CNDP1: variants seen among roughly 807,000 people sequenced by gnomAD.
The protein encoded by CNDP1 is beta-Ala-His dipeptidase.
In CNDP1, 44 loss-of-function variants were observed where a neutral mutation model predicts 58.1. That is an observed-to-expected ratio of 0.76 (90% CI 0.60 to 0.97). The LOEUF (loss-of-function observed/expected upper bound fraction) is 0.97. Among genes scored for constraint, CNDP1 ranks in the 50% least tolerant of loss-of-function variants. The pLI, the probability that CNDP1 is intolerant of heterozygous loss-of-function variation, is 0.00. For synonymous variants in CNDP1, 254 were observed against 252.6 expected, an observed-to-expected ratio of 1.01 and a Z score of -0.05; for missense variants, 616 against 655.1, an observed-to-expected ratio of 0.94 and a Z score of 0.65.
chr18:74,579,486 A>G (rs1981733426), intron 9 of CNDP1, among the ~76,000 whole-genome samples: 1 of 151,772 alleles, frequency 6.6e-6, no homozygotes, highest in Admixed American at 6.6e-5. Flanking sequence ...TCACAGCTGT[A>G]TCCGCAGCAC....
chr18:74,580,389 C>A, intron 10 of CNDP1, 118 bp downstream of exon 10: 3 of 1,027,842 alleles, frequency 2.9e-6, no homozygotes, highest in Non-Finnish European at 4.4e-6. Flanking sequence ...CCTTTTAATA[C>A]AGAGCACATT....
At chr18:74,567,584 G>A (rs1267273222) in intron 6 of CNDP1, 151 bp downstream of exon 6, 2 of 687,440 alleles carry the variant, frequency 2.9e-6, no homozygotes, top group Non-Finnish European at 5.0e-6. Context: ...AGGTGGGGTG[G>A]GTGCAGAGGT....
intron 6 of CNDP1, 123 bp from the exon 7 acceptor site, chr18:74,571,063 G>T: frequency 1.5e-6 from 1 of 657,462 alleles, no homozygotes; most frequent in South Asian, 1.9e-5. Flanking sequence ...GTGAAGTCAG[G>T]TCTGGATGTT....
At chr18:74,582,403 G>A (rs1214747598) in intron 10 of CNDP1, among the ~76,000 whole-genome samples, 1 of 152,160 alleles carries the variant, frequency 6.6e-6, no homozygotes, top group African/African-American at 2.4e-5. Context: ...TAAAACCTAC[G>A]ATAGCAGTTA....
At chr18:74,561,077 G>A in intron 4 of CNDP1, 59 bp downstream of exon 4, 1 of 1,577,110 alleles carries the variant, frequency 6.3e-7, no homozygotes, top group Non-Finnish European at 8.7e-7. Context: ...TTGAAGGGGT[G>A]AAGATGAGGC....
At chr18:74,536,465 T>C (rs891233056) in intron 1 of CNDP1, among the ~76,000 whole-genome samples, 4 of 152,246 alleles carry the variant, frequency 2.6e-5, no homozygotes, top group African/African-American at 9.6e-5. Context: ...GCAAAGGACA[T>C]GATCTCATTC....
chr18:74,573,831 G>A (rs7506171), intron 7 of CNDP1, among the ~76,000 whole-genome samples: 91,193 of 152,118 alleles, frequency 0.6, 27,623 homozygotes, highest in Admixed American at 0.69. Flanking sequence ...CTAAGGAAGA[G>A]TCGGCTCGGG....
rs1214565671 is a variant in CNDP1, at chr18:74,584,195, T to A, written c.1458-301T>A. On this transcript the variant is annotated intron_variant, in intron 11 of 11. Transcript: ENST00000358821. ...CAGATACTACAAGATCTCCTAAGCA[T>A]CCCAGACTACTGAGAAACAAGAAAT... The A allele has an allele frequency of 2.7e-5, 11 of 409,444 alleles. No homozygotes were observed. The East Asian group carries it at 5.3e-4, about 20-fold the overall frequency. The allele number at this position is 409,444 out of a possible 1,614,324, so 25.4% of individuals were successfully genotyped here.
chr18:74,539,497 G>C (rs138733929), intron 1 of CNDP1, among the ~76,000 whole-genome samples: 1 of 152,150 alleles, frequency 6.6e-6, no homozygotes, highest in Non-Finnish European at 1.5e-5. Flanking sequence ...TGAGGCATTC[G>C]GATCCTTCCT....
chr18:74,567,085 C>A (rs1981346927), intron 5 of CNDP1, 148 bp from the exon 6 acceptor site: 3 of 649,740 alleles, frequency 4.6e-6, no homozygotes, highest in Non-Finnish European at 8.3e-6. Context: ...ACAGGAAAGA[C>A]TGGCCCCCAT....
chr18:74,569,168 G>A lies in CNDP1; in HGVS notation c.756+1735G>A, dbSNP rs1255416938. On this transcript the variant is annotated intron_variant, in intron 6 of 11. Coordinates refer to ENST00000358821, the MANE Select transcript of CNDP1 (RefSeq NM_032649.6). Reference sequence around the variant, plus strand: ...CAGCTCAAGCTTTCGAAGTGAGACCGTCCACACTCCAGAGTAATTTAGCTA... The same window carrying A: ...CAGCTCAAGCTTTCGAAGTGAGACCATCCACACTCCAGAGTAATTTAGCTA... Among the ~76,000 whole-genome samples, 6 of 152,154 alleles carry A rather than the reference G, an allele frequency of 3.9e-5. No individual in the cohort carries two copies. In the East Asian group the frequency reaches 5.8e-4, roughly 15 times the overall value.
At chr18:74,561,307 T>C (rs541480034) in intron 4 of CNDP1, 2 of 258,408 alleles carry the variant, frequency 7.7e-6, no homozygotes, top group East Asian at 1.5e-4. Flanking sequence ...TCCCAGCTAC[T>C]TGGGAGACCA....
At chr18:74,580,672 CA>C (rs1239435809) in intron 10 of CNDP1, among the ~76,000 whole-genome samples, 7 of 152,154 alleles carry the variant, frequency 4.6e-5, no homozygotes, top group Non-Finnish European at 1.0e-4. Flanking sequence ...AACATCCTTT[CA>C]AAACACAGAT....
intron 3 of CNDP1, among the ~76,000 whole-genome samples, chr18:74,559,775 T>G (rs1981139733): frequency 6.6e-6 from 1 of 152,148 alleles, no homozygotes; most frequent in South Asian, 2.1e-4. Context: ...AGTTCAAATT[T>G]CTCCTTTAAG....
intron 7 of CNDP1, chr18:74,574,867 T>C (rs1019612543): frequency 1.3e-5 from 2 of 152,078 alleles, no homozygotes; most frequent in Admixed American, 6.6e-5. Context: ...ATCAGATTTT[T>C]CTGCAAGCAT....
intron 2 of CNDP1, among the ~76,000 whole-genome samples, chr18:74,557,107 G>A (rs1363777186): frequency 6.6e-6 from 1 of 151,964 alleles, no homozygotes; most frequent in East Asian, 1.9e-4. Flanking sequence ...CAGTAGAGAC[G>A]GGATTTCCCC....
At chr18:74,563,840 C>T (rs751210161) in intron 5 of CNDP1, among the ~76,000 whole-genome samples, 16 of 152,146 alleles carry the variant, frequency 1.1e-4, no homozygotes, top group Non-Finnish European at 1.8e-4. Context: ...CTAATGCATG[C>T]GGCCTGCACA....
At chr18:74,583,732 G>A in intron 11 of CNDP1, 24 bp downstream of exon 11, 2 of 1,612,914 alleles carry the variant, frequency 1.2e-6, no homozygotes, top group Non-Finnish European at 1.7e-6. Flanking sequence ...TGTGCAATGT[G>A]CCTCTCTCTT....
At chr18:74,546,134 A>C (rs1980752215) in intron 1 of CNDP1, among the ~76,000 whole-genome samples, 1 of 152,102 alleles carries the variant, frequency 6.6e-6, no homozygotes, top group African/African-American at 2.4e-5. Context: ...TTGTTGTTTG[A>C]CTGGCTCTGT....
Sources: allele counts gnomAD v4.1 joint callset (sites outside exome capture counted in the v4.1 genomes callset), GRCh38; gene constraint gnomAD v4.1.1; transcripts MANE v1.5; gene names NCBI Gene and HGNC (gene_info 2026-07-23, HGNC 2026-07-21).